Variants in ITIH6 observed in about 807,000 individuals in gnomAD.
The protein encoded by ITIH6 is inter-alpha-trypsin inhibitor heavy chain family member 6.
Under a neutral mutation model 58.2 loss-of-function variants are expected in ITIH6, and 60 were observed. That is an observed-to-expected ratio of 1.03 (90% CI 0.84 to 1.28). The LOEUF is 1.28. Ranked by LOEUF, ITIH6 falls within the 50% of genes most tolerant of loss-of-function variation. The pLI is 0.00. For missense variants in ITIH6, 1,290 were observed against 1,021.1 expected (o/e 1.26, Z -3.59); for synonymous variants, 493 against 417.4 (o/e 1.18, Z -2.21).
intron 11 of ITIH6, among the ~76,000 whole-genome samples, chrX:54,753,087 C>T (rs774998076): frequency 1.1e-4 from 12 of 113,064 alleles, no homozygotes; most frequent in Non-Finnish European, 2.2e-4. Flanking sequence ...TCATTTCTCT[C>T]ATCAAACAAG....
At chrX:54,767,130 G>A (rs866908809) in intron 6 of ITIH6, among the ~76,000 whole-genome samples, 43 of 109,758 alleles carry the variant, frequency 3.9e-4, no homozygotes, top group East Asian at 3.4e-3. Flanking sequence ...GAGTGTATGC[G>A]TCGAGGAATG....
intron 6 of ITIH6, among the ~76,000 whole-genome samples, chrX:54,771,858 C>T (rs1482788684): frequency 9.0e-6 from 1 of 111,685 alleles, no homozygotes; most frequent in African/African-American, 3.3e-5. Flanking sequence ...CAGATGCTGG[C>T]AAGGTTGTGG....
chrX:54,774,041 T>C (rs776056440), intron 6 of ITIH6, 40 bp downstream of exon 6: 2 of 843,155 alleles, frequency 2.4e-6, no homozygotes, highest in African/African-American at 4.1e-5. Flanking sequence ...CTGGGTCTTC[T>C]GATACTAGGA....
intron 5 of ITIH6, among the ~76,000 whole-genome samples, chrX:54,781,591 G>C (rs1339182089): frequency 8.9e-6 from 1 of 112,409 alleles, no homozygotes; most frequent in African/African-American, 3.2e-5. Context: ...AACAGATGAA[G>C]GCAAGATTGC....
chrX:54,761,664 A>T (rs2147604558), intron 6 of ITIH6, among the ~76,000 whole-genome samples: 1 of 111,209 alleles, frequency 9.0e-6, no homozygotes, highest in South Asian at 3.8e-4. Context: ...ATGGCTAGCC[A>T]GTTTTCCCAG....
Position 54,749,807 on chromosome X carries a change from TC to T in ITIH6, c.*87del. On this transcript the variant is annotated 3_prime_UTR_variant, in exon 13 of 13. Transcript: ENST00000218436. ...GTGTGTCCCTGTGTGTGCTTCCATG[TC>T]CTTGGGTCTCTGTCCCTGGCTCACC... is the stretch of plus-strand genomic sequence containing the variant. 1.4e-6 allele frequency: 1 copy of T among 726,025 alleles called. No homozygotes were observed. The highest frequency in any genetic ancestry group is 3.4e-5 in the East Asian group (1 of 29,451). The allele number at this position is 726,025 out of a possible 1,213,427, so 59.8% of individuals were successfully genotyped here.
At chrX:54,777,988 G>A (rs1929082380) in intron 5 of ITIH6, among the ~76,000 whole-genome samples, 2 of 111,891 alleles carry the variant, frequency 1.8e-5, no homozygotes, top group Non-Finnish European at 3.8e-5. Context: ...CAATTCTGAA[G>A]AAATAGAGAT....
rs974540393 is a variant in ITIH6, at chrX:54,749,093, T to A, written c.*802A>T. The A allele has an allele frequency of 9.8e-5, 11 of 112,168 alleles. No individual in the cohort carries two copies. Among genetic ancestry groups the A allele is most frequent in the Non-Finnish European group, 1.9e-4 (10 of 53,283 alleles). The allele number at this position is 112,168 out of a possible 1,213,427, so 9.2% of individuals were successfully genotyped here. ...CTTGTCACTGTTTTTCCGGGTGTGA[T>A]CCTGTGTCTTTGGTTGTGAGTATGT... On this transcript the variant is annotated 3_prime_UTR_variant, in exon 13 of 13. Transcript: ENST00000218436.
At chrX:54,764,131 T>A (rs1160102180) in intron 6 of ITIH6, among the ~76,000 whole-genome samples, 1 of 112,074 alleles carries the variant, frequency 8.9e-6, no homozygotes, top group Non-Finnish European at 1.9e-5. Flanking sequence ...GGGTCTTATT[T>A]TATTATCCAC....
intron 12 of ITIH6, among the ~76,000 whole-genome samples, chrX:54,750,347 G>A (rs1928328304): frequency 9.0e-6 from 1 of 111,296 alleles, no homozygotes; most frequent in Non-Finnish European, 1.9e-5. Context: ...GGACAGCCAG[G>A]TTTGGAGAAG....
chrX:54,751,461 A>G (rs1005425184), intron 11 of ITIH6, 81 bp from the exon 12 acceptor site: 3 of 1,086,566 alleles, frequency 2.8e-6, no homozygotes, highest in Admixed American at 5.0e-5. Context: ...GGGCAGATGA[A>G]GTAGTGCAGA....
chrX:54,754,894 T>C, intron 9 of ITIH6, 123 bp downstream of exon 9: 1 of 507,405 alleles, frequency 2.0e-6, no homozygotes, highest in Non-Finnish European at 3.3e-6. Flanking sequence ...TTGTGATAAA[T>C]GTTACACAAC....
intron 5 of ITIH6, among the ~76,000 whole-genome samples, chrX:54,778,795 A>T (rs1340885060): frequency 3.6e-5 from 4 of 111,493 alleles, no homozygotes; most frequent in Non-Finnish European, 5.6e-5. Flanking sequence ...CTACCAGAAC[A>T]CCAAGCAGAT....
rs1557213673 is a variant in ITIH6, at chrX:54,778,214, T to TG, written c.787-4018dup. Among the ~76,000 whole-genome samples, 293 of 106,512 alleles carry TG rather than the reference T, an allele frequency of 2.8e-3. 1 individual carries two copies. Among genetic ancestry groups the TG allele is most frequent in the African/African-American group, 9.6e-3 (274 of 28,488 alleles). The allele number at this position is 106,512 out of a possible 115,157, so 92.5% of individuals were successfully genotyped here. ...CAGAGTCTTTTTTTTTTTTTTTTTT[T>TG]GACAGAGTCTCCCTCCGTCACCCAG... On this transcript the variant is annotated intron_variant, in intron 5 of 12. Coordinates refer to ENST00000218436, the MANE Select transcript of ITIH6 (RefSeq NM_198510.3).
intron 7 of ITIH6, 147 bp from the exon 8 acceptor site, chrX:54,759,145 C>G (rs776898070): frequency 9.1e-6 from 4 of 440,696 alleles, no homozygotes; most frequent in African/African-American, 2.5e-5. Context: ...CCAACTTCTC[C>G]ACTCCCACCC....
chrX:54,761,481 C>T (rs1031054275), intron 6 of ITIH6, among the ~76,000 whole-genome samples: 64 of 111,079 alleles, frequency 5.8e-4, no homozygotes, highest in South Asian at 3.8e-4. Flanking sequence ...GCTGCCATTG[C>T]TTTTGATGTT....
intron 6 of ITIH6, among the ~76,000 whole-genome samples, chrX:54,762,658 C>T (rs1419134473): frequency 8.9e-6 from 1 of 112,190 alleles, no homozygotes; most frequent in Non-Finnish European, 1.9e-5. Context: ...CTGACCCCTG[C>T]CCTTCTCACT....
intron 12 of ITIH6, 99 bp from the exon 13 acceptor site, chrX:54,750,205 G>T: frequency 1.6e-6 from 1 of 629,459 alleles, no homozygotes; most frequent in South Asian, 2.9e-5. Context: ...GGATTTAAAG[G>T]AGGAAGAAGG....
At chrX:54,761,065 G>T (rs1378532782) in intron 6 of ITIH6, among the ~76,000 whole-genome samples, 1 of 111,886 alleles carries the variant, frequency 8.9e-6, no homozygotes, top group Non-Finnish European at 1.9e-5. Flanking sequence ...CAGTGTAAAA[G>T]TGTTCCTATT....
Sources: allele counts gnomAD v4.1 joint callset (sites outside exome capture counted in the v4.1 genomes callset), GRCh38; gene constraint gnomAD v4.1.1; transcripts MANE v1.5; gene names NCBI Gene and HGNC (gene_info 2026-07-23, HGNC 2026-07-21).